The following GALNTL6 variants were observed in gnomAD, a reference collection of about 807,000 sequenced individuals.
GALNTL6 encodes polypeptide N-acetylgalactosaminyltransferase like 6.
In GALNTL6, 46 loss-of-function variants were observed where a neutral mutation model predicts 73.7. The observed-to-expected ratio is 0.62, with a 90% CI of 0.49 to 0.80. GALNTL6 has a LOEUF of 0.80. Ranked by LOEUF, GALNTL6 falls within the 30% of genes least tolerant of loss-of-function variation. The probability of loss-of-function intolerance (pLI) is 0.00; values close to 1 mark genes in which losing one functional copy is unlikely to be tolerated. For missense variants in GALNTL6, 604 were observed against 755.0 expected (o/e 0.80, Z 2.34); for synonymous variants, 259 against 263.7 (o/e 0.98, Z 0.17).
intron 5 of GALNTL6, among the ~76,000 whole-genome samples, chr4:172,453,409 A>G (rs1732283734): frequency 6.6e-6 from 1 of 152,174 alleles, no homozygotes; most frequent in African/African-American, 2.4e-5. Flanking sequence ...AATGCTGATT[A>G]TTTTAGCTAT....
chr4:173,009,331 A>C (rs1199014262), intron 11 of GALNTL6, 37 bp downstream of exon 11: 1 of 1,171,250 alleles, frequency 8.5e-7, no homozygotes, highest in East Asian at 2.3e-5. Flanking sequence ...AGTGGGAACC[A>C]GTCGGGGGCT....
rs560442890 is a variant in GALNTL6, at chr4:172,313,808, AAAC to A, written c.386+2064_386+2066del. Reference sequence around the variant, plus strand: ...AGAAAAAAAGAAAAAATACGAAAACAAACAACAACAGCAACAAAAACCTTGAGA... The same window carrying A: ...AGAAAAAAAGAAAAAATACGAAAACAAACAACAGCAACAAAAACCTTGAGA... On this transcript the variant is annotated intron_variant, in intron 4 of 12. Coordinates refer to ENST00000506823, the MANE Select transcript of GALNTL6 (RefSeq NM_001034845.3). Among the ~76,000 whole-genome samples the A allele has an allele frequency of 4.3e-3, 659 of 152,336 alleles. 2 individuals carry two copies. The highest frequency in any genetic ancestry group is 7.0e-3 in the Non-Finnish European group (476 of 68,026).
At chr4:172,467,116 A>G (rs1732852278) in intron 5 of GALNTL6, among the ~76,000 whole-genome samples, 1 of 152,232 alleles carries the variant, frequency 6.6e-6, no homozygotes, top group Non-Finnish European at 1.5e-5. Flanking sequence ...CTAGAATGAA[A>G]AAGATTATTT....
chr4:172,744,102 C>A (rs1197660288), intron 5 of GALNTL6, among the ~76,000 whole-genome samples: 1 of 150,638 alleles, frequency 6.6e-6, no homozygotes, highest in Non-Finnish European at 1.5e-5. Context: ...TGTAGAGATT[C>A]TATCAGTTGC....
In GALNTL6 at chr4:172,615,186, G is replaced by GT. The variant is rs202078913; in HGVS notation, c.554-194172dup. On this transcript the variant is annotated intron_variant, in intron 5 of 12. Transcript: ENST00000506823. ...ACACATGCTGTTAATAAGGCAGGTAGTTTAAAAAAAAAAAAAAAGACTAGT... is the reference window on the plus strand; with the variant it reads ...ACACATGCTGTTAATAAGGCAGGTAGTTTTAAAAAAAAAAAAAAAGACTAGT... Among the ~76,000 whole-genome samples the GT allele has an allele frequency of 3.7e-3, 363 of 98,280 alleles. 1 individual carries two copies. Among genetic ancestry groups the GT allele is most frequent in the South Asian group, 3.2e-3 (11 of 3,488 alleles). 64.5% of individuals were successfully genotyped at this position (98,280 alleles called of 152,430 possible). A position where few individuals can be genotyped will look rare whatever the true frequency, so the allele number is the denominator to read the frequency against.
At position 172,617,540 on chromosome 4, in the gene GALNTL6, G is replaced by A. The variant is rs62328835; in HGVS notation, c.554-191821G>A. Among the ~76,000 whole-genome samples, 636 of 151,750 alleles carry A rather than the reference G, an allele frequency of 4.2e-3. 2 individuals carry two copies. Among genetic ancestry groups the A allele is most frequent in the Non-Finnish European group, 6.1e-3 (411 of 67,912 alleles). On this transcript the variant is annotated intron_variant, in intron 5 of 12. Coordinates refer to ENST00000506823, the MANE Select transcript of GALNTL6 (RefSeq NM_001034845.3). ...CGCCCAGGCTGGAGAGTAGTGGCAC[G>A]ATCTCAGCTCACTGCAAGCTCCACC... is the stretch of plus-strand genomic sequence containing the variant.
chr4:172,967,457 G>C (rs542495495), intron 10 of GALNTL6, among the ~76,000 whole-genome samples: 7 of 151,608 alleles, frequency 4.6e-5, no homozygotes, highest in African/African-American at 1.7e-4. Flanking sequence ...AAGTCTTCCA[G>C]AACTAATCAT....
chr4:172,090,417 A>C (rs1266747275), intron 2 of GALNTL6, among the ~76,000 whole-genome samples: 1 of 152,146 alleles, frequency 6.6e-6, no homozygotes, highest in African/African-American at 2.4e-5. Flanking sequence ...ATAGTGTCTC[A>C]TCGTGGTTTT....
At chr4:171,941,343 A>G (rs1027159064) in intron 2 of GALNTL6, among the ~76,000 whole-genome samples, 1 of 152,232 alleles carries the variant, frequency 6.6e-6, no homozygotes, top group Non-Finnish European at 1.5e-5. Context: ...TAGCCTATGC[A>G]ATACTAGGAA....
At chr4:172,736,388 A>G (rs1437968679) in intron 5 of GALNTL6, among the ~76,000 whole-genome samples, 1 of 152,244 alleles carries the variant, frequency 6.6e-6, no homozygotes, top group East Asian at 1.9e-4. Context: ...GAAGAGAAAT[A>G]TGACTCTATT....
Position 172,831,516 on chromosome 4 carries a change from A to G in GALNTL6, c.923+17793A>G, listed in dbSNP as rs1366965862. 3.9e-5 allele frequency among the ~76,000 whole-genome samples: 6 copies of G among 152,200 alleles called. 1 individual carries two copies. The highest frequency in any genetic ancestry group is 1.3e-4 in the Admixed American group (2 of 15,284). ...GACTACACCTTGAAAGATCAGCACA[A>G]ATAAAGAAAGGTGGTGGAGATGGGG... On this transcript the variant is annotated intron_variant, in intron 7 of 12. Coordinates refer to ENST00000506823, the MANE Select transcript of GALNTL6 (RefSeq NM_001034845.3).
chr4:172,196,425 A>G (rs1735774668), intron 2 of GALNTL6, among the ~76,000 whole-genome samples: 1 of 152,020 alleles, frequency 6.6e-6, no homozygotes, highest in South Asian at 2.1e-4. Context: ...ATTAGGAGGG[A>G]CTCCTCCCTA....
intron 2 of GALNTL6, among the ~76,000 whole-genome samples, chr4:172,057,743 T>TA (rs1731073259): frequency 1.4e-5 from 2 of 140,806 alleles, no homozygotes; most frequent in South Asian, 4.4e-4. Context: ...TATATATATA[T>TA]ATATATATAT....
At chr4:172,873,759 T>A (rs901826248) in intron 7 of GALNTL6, among the ~76,000 whole-genome samples, 1 of 152,182 alleles carries the variant, frequency 6.6e-6, no homozygotes, top group African/African-American at 2.4e-5. Flanking sequence ...TGTTTTTTTG[T>A]TGTTGTTTTG....
At chr4:171,944,179 A>C (rs895211134) in intron 2 of GALNTL6, among the ~76,000 whole-genome samples, 1 of 152,028 alleles carries the variant, frequency 6.6e-6, no homozygotes, top group African/African-American at 2.4e-5. Context: ...AAGATAGATA[A>C]TTTTGATTTA....
At chr4:172,375,708 G>T (rs1743002934) in intron 5 of GALNTL6, among the ~76,000 whole-genome samples, 1 of 152,194 alleles carries the variant, frequency 6.6e-6, no homozygotes, top group Non-Finnish European at 1.5e-5. Context: ...AGGAAGGTCA[G>T]ATTTAGTGGC....
intron 2 of GALNTL6, among the ~76,000 whole-genome samples, chr4:172,014,624 C>T (rs1407362745): frequency 6.6e-6 from 1 of 151,872 alleles, no homozygotes; most frequent in East Asian, 1.9e-4. Flanking sequence ...TCTCTAGTTA[C>T]TTGAGGTGTG....
intron 5 of GALNTL6, among the ~76,000 whole-genome samples, chr4:172,797,282 T>G (rs890364202): frequency 6.6e-6 from 1 of 152,166 alleles, no homozygotes; most frequent in African/African-American, 2.4e-5. Context: ...AGACAGAGTC[T>G]TGCTCTGTCC....
chr4:171,912,722 C>G (rs1327458033), intron 2 of GALNTL6, among the ~76,000 whole-genome samples: 1 of 152,150 alleles, frequency 6.6e-6, no homozygotes, highest in African/African-American at 2.4e-5. Flanking sequence ...TTCCCAGCCT[C>G]TAGTAACCAC....
Sources: allele counts gnomAD v4.1 joint callset (sites outside exome capture counted in the v4.1 genomes callset), GRCh38; gene constraint gnomAD v4.1.1; transcripts MANE v1.5; gene names NCBI Gene and HGNC (gene_info 2026-07-23, HGNC 2026-07-21).